GLE1: variants seen among roughly 807,000 people sequenced by gnomAD.
The protein encoded by GLE1 is GLE1 RNA export mediator.
In GLE1, 78 loss-of-function variants were observed where a neutral mutation model predicts 97.3. The observed-to-expected ratio is 0.80, with a 90% confidence interval of 0.67 to 0.97. GLE1 has a LOEUF of 0.97. Ranked by LOEUF, GLE1 falls within the 50% of genes least tolerant of loss-of-function variation. GLE1 has a pLI of 0.00. For synonymous variants in GLE1, 302 were observed against 313.4 expected (o/e 0.96, Z 0.39); for missense variants, 753 against 857.5 (o/e 0.88, Z 1.52).
chr9:128,506,458 T>C (rs1255901836), intron 1 of GLE1, among the ~76,000 whole-genome samples: 1 of 152,254 alleles, frequency 6.6e-6, no homozygotes, highest in Non-Finnish European at 1.5e-5. Context: ...GGTTCCTGTG[T>C]TCCTGTGACA....
chr9:128,511,471 G>A (rs1352281248), intron 2 of GLE1, among the ~76,000 whole-genome samples: 1 of 151,640 alleles, frequency 6.6e-6, no homozygotes, highest in Non-Finnish European at 1.5e-5. Context: ...ACTTTGGGAG[G>A]CCAAGGCGGG....
chr9:128,541,117 A>G lies in GLE1; in HGVS notation c.2044A>G (p.Lys682Glu). The G allele has an allele frequency of 6.3e-7, 1 of 1,580,350 alleles. No homozygotes were observed. Among genetic ancestry groups the G allele is most frequent in the Non-Finnish European group, 8.7e-7 (1 of 1,149,158 alleles). ...KQFLEKCLQH[K>E]DIPVPKGFLT... ...CCCTGACCAGAAATGTTTGCAACACAAGGACATTCCTGTCCCCAAGGGCTT... is the reference window on the plus strand; with the variant it reads ...CCCTGACCAGAAATGTTTGCAACACGAGGACATTCCTGTCCCCAAGGGCTT... Residue 682 changes from lysine (K) to glutamate (E), a missense_variant, in exon 16 of 16, where the codon AAG (lysine) becomes GAG (glutamate). Coordinates refer to ENST00000309971, the MANE Select transcript of GLE1 (RefSeq NM_001003722.2).
At position 128,533,580 on chromosome 9, in the gene GLE1, TG is replaced by T; in HGVS notation, c.1383del (p.Arg462AlafsTer24). 1 of 1,613,780 alleles carries T rather than the reference TG, an allele frequency of 6.2e-7. No homozygotes were observed. The highest frequency in any genetic ancestry group is 1.1e-5 in the South Asian group (1 of 91,076). ...LLSGKPVQSG[G>X]RSVSVTLNPQ... ...TCTCTGGAAAACCTGTTCAATCTGG[TG>T]GGCGCTCTGTGTCTGTCACACTTAA... On this transcript the variant is annotated frameshift_variant, in exon 10 of 16. Transcript: ENST00000309971. LOFTEE classifies it high-confidence loss of function.
intron 3 of GLE1, among the ~76,000 whole-genome samples, chr9:128,516,477 G>A (rs944666134): frequency 3.3e-5 from 5 of 151,922 alleles, no homozygotes; most frequent in Admixed American, 6.6e-5. Context: ...CTGTCACCAC[G>A]CCCAGCTAAT....
intron 1 of GLE1, among the ~76,000 whole-genome samples, chr9:128,507,897 G>C (rs976653918): frequency 7.4e-6 from 1 of 135,464 alleles, no homozygotes; most frequent in Non-Finnish European, 1.6e-5. Flanking sequence ...CAAAAAAAAG[G>C]CTGGGCACAC....
At position 128,516,521 on chromosome 9, in the gene GLE1, G is replaced by A. The variant is rs142188247; in HGVS notation, c.432+882G>A. Among the ~76,000 whole-genome samples the A allele has an allele frequency of 9.6e-3, 1,456 of 151,836 alleles. 32 individuals are homozygous for A. The highest frequency in any genetic ancestry group is 0.073 in the East Asian group (374 of 5,130). ...TTTTTAGTGGAGACAGGGTTTTGCC[G>A]TGTTAGCCAGGACGGTCTTGATCTT... On this transcript the variant is annotated intron_variant, in intron 3 of 15. Transcript: ENST00000309971.
At chr9:128,533,723 G>T in intron 10 of GLE1, 38 bp from the exon 11 acceptor site, 1 of 1,612,904 alleles carries the variant, frequency 6.2e-7, no homozygotes. Context: ...CCTTTTTCTG[G>T]TATTAAGTTA....
chr9:128,515,952 CTT>C (rs58485540), intron 3 of GLE1, among the ~76,000 whole-genome samples: 18 of 139,824 alleles, frequency 1.3e-4, no homozygotes, highest in Non-Finnish European at 1.5e-4. Context: ...ACCTTAGCCT[CTT>C]TTTTTTTTTT....
rs886043020 is a variant in GLE1 at position 128,508,954 on chromosome 9, A to G, written c.178A>G (p.Met60Val). The G allele has an allele frequency of 9.3e-6, 15 of 1,611,448 alleles. No homozygotes were observed. The African/African-American group carries it at 1.6e-4, about 17-fold the overall frequency. Residue 60 changes from methionine to valine, a missense_variant, in exon 2 of 16, where the codon ATG becomes GTG. Transcript: ENST00000309971. ...GGTGGTAGAGCACGTCCTACCCCATATGCAGGAGAACCAACCTCTGTCTGA... is the reference window on the plus strand; with the variant it reads ...GGTGGTAGAGCACGTCCTACCCCATGTGCAGGAGAACCAACCTCTGTCTGA... Reference protein sequence around the residue: ...GWVVEHVLPHMQENQPLSETS... With the variant: ...GWVVEHVLPHVQENQPLSETS...
chr9:128,520,410 GTATA>G (rs1054971044), intron 3 of GLE1, among the ~76,000 whole-genome samples: 1 of 143,936 alleles, frequency 6.9e-6, no homozygotes, highest in South Asian at 2.1e-4. Context: ...GTGTATATAT[GTATA>G]TATATGTATA....
chr9:128,527,563 A>G (rs1471996222), intron 9 of GLE1, 38 bp downstream of exon 9: 1 of 1,197,638 alleles, frequency 8.3e-7, no homozygotes, highest in African/African-American at 1.5e-5. Context: ...CTTTCATTTC[A>G]TTGTATTATC....
Position 128,504,772 on chromosome 9 carries a change from G to T in GLE1, c.-34G>T. On this transcript the variant is annotated 5_prime_UTR_variant, in exon 1 of 16. It adds an upstream start codon to the 5' untranslated region. Coordinates refer to ENST00000309971, the MANE Select transcript of GLE1 (RefSeq NM_001003722.2). The stretch of plus-strand genomic sequence containing the variant: ...GATTCGAGGGCTTGTTTGGTCAGAA[G>T]GGGGGCGTCAGAGAAGCTGCCCCTT... 2.2e-6 allele frequency: 3 copies of T among 1,374,748 alleles called. No individual in the cohort carries two copies. The highest frequency in any genetic ancestry group is 2.1e-6 in the Non-Finnish European group (2 of 962,600). 85.2% of individuals were successfully genotyped at this position (1,374,748 alleles called of 1,614,324 possible). A position where few individuals can be genotyped will look rare whatever the true frequency, so the allele number is the denominator to read the frequency against.
intron 3 of GLE1, among the ~76,000 whole-genome samples, chr9:128,517,387 C>G (rs1847020086): frequency 6.6e-6 from 1 of 152,122 alleles, no homozygotes; most frequent in Non-Finnish European, 1.5e-5. Flanking sequence ...GTGCTAGATG[C>G]TGTTCCAGGT....
intron 6 of GLE1, among the ~76,000 whole-genome samples, chr9:128,524,540 C>CTTTTTTTT (rs71381767): frequency 1.3e-4 from 5 of 39,646 alleles, no homozygotes; most frequent in East Asian, 8.2e-4. Flanking sequence ...CTTTGCTTTG[C>CTTTTTTTT]TTTTTTTTTT....
At chr9:128,513,033 G>A (rs2132420495) in intron 2 of GLE1, among the ~76,000 whole-genome samples, 1 of 152,124 alleles carries the variant, frequency 6.6e-6, no homozygotes, top group South Asian at 2.1e-4. Context: ...TTTATGTAAT[G>A]GATTGTCACA....
intron 9 of GLE1, among the ~76,000 whole-genome samples, chr9:128,527,772 TAACCAACATAGTGA>T (rs1235097701): frequency 1.3e-5 from 2 of 151,878 alleles, no homozygotes; most frequent in Non-Finnish European, 2.9e-5. Context: ...AAGAGCAGCC[TAACCAACATAGTGA>T]AACCCTGTCT....
Position 128,523,638 on chromosome 9 carries a change from A to G in GLE1, c.689A>G (p.Gln230Arg). The change falls in exon 6 of 16, where the codon CAA becomes CGA. Residue 230 changes from glutamine (Q) to arginine (R), a missense_variant. Gln to Arg is a conservative substitution (Grantham distance 43). Transcript: ENST00000309971. ...GAAGCAGAGCAGCAGCGCGTGAAGC[A>G]AGCAGAACAGGAGCGGCTTCGGAAG... ...LREAEQQRVK[Q>R]AEQERLRKEE... 6.2e-7 allele frequency: 1 copy of G among 1,614,122 alleles called. No individual in the cohort carries two copies. The highest frequency in any genetic ancestry group is 2.2e-5 in the East Asian group (1 of 44,876).
rs954389646 is a variant in GLE1 at position 128,520,342 on chromosome 9, A to ATG, written c.433-2322_433-2321dup. On this transcript the variant is annotated intron_variant, in intron 3 of 15. Coordinates refer to ENST00000309971, the MANE Select transcript of GLE1 (RefSeq NM_001003722.2). ...TATGTATATGTGTGTATATGTGTAT[A>ATG]TGTGTATATATGTATGTGTGTATAT... Among the ~76,000 whole-genome samples the ATG allele has an allele frequency of 2.0e-5, 3 of 148,260 alleles. No homozygotes were observed. The Admixed American group carries it at 2.1e-4, about 10-fold the overall frequency.
rs200196543 is a variant in GLE1 at position 128,540,249 on chromosome 9, A to T, written c.1965-26A>T. The stretch of plus-strand genomic sequence containing the variant: ...AAGATAGGTGTATATCATAGGTGTG[A>T]TTCATGTGTCTTTCTCTCCCTGTAG... On this transcript the variant is annotated intron_variant, in intron 14 of 15. Transcript: ENST00000309971. The T allele has an allele frequency of 7.9e-4, 1,187 of 1,499,616 alleles. 1 individual carries two copies. Among genetic ancestry groups the T allele is most frequent in the South Asian group, 1.6e-3 (141 of 88,700 alleles). The allele number at this position is 1,499,616 out of a possible 1,614,324, so 92.9% of individuals were successfully genotyped here. A position where few individuals can be genotyped will look rare whatever the true frequency, so the allele number is the denominator to read the frequency against.
Sources: gnomAD v4.1 joint callset for allele counts (sites outside exome capture counted in the v4.1 genomes callset) on GRCh38, gnomAD v4.1.1 for gene constraint, MANE v1.5 for transcripts, NCBI Gene and HGNC (gene_info 2026-07-23, HGNC 2026-07-21) for gene names.